Variants in SLC17A6 observed in about 807,000 individuals in gnomAD.
The protein encoded by SLC17A6 is solute carrier family 17 member 6, also known as vesicular glutamate transporter 2.
Under a neutral mutation model 67.1 loss-of-function variants are expected in SLC17A6, and 35 were observed. That is an observed-to-expected ratio of 0.52 (90% confidence interval 0.40 to 0.69). The LOEUF (loss-of-function observed/expected upper bound fraction) is 0.69, where lower values mean the gene tolerates loss of function less well. Ranked by LOEUF, SLC17A6 falls within the 30% of genes least tolerant of loss-of-function variation. The pLI, the probability that SLC17A6 is intolerant of heterozygous loss-of-function variation, is 0.00. For missense variants in SLC17A6, 588 were observed against 723.9 expected (o/e 0.81, Z 2.15); for synonymous variants, 285 against 252.3 (o/e 1.13, Z -1.23).
intron 3 of SLC17A6, among the ~76,000 whole-genome samples, chr11:22,346,579 G>A (rs1051037652): frequency 6.6e-6 from 1 of 151,726 alleles, no homozygotes. Context: ...TTAGGGTGGG[G>A]GGTCAAAGGA....
rs1033502678 is a variant in SLC17A6, at chr11:22,341,461, G to A, written c.87-67G>A. 6.4e-6 allele frequency: 10 copies of A among 1,562,558 alleles called. No individual in the cohort carries two copies. The African/African-American group carries it at 1.1e-4, about 17-fold the overall frequency. On this transcript the variant is annotated intron_variant, in intron 1 of 11. Coordinates refer to ENST00000263160, the MANE Select transcript of SLC17A6 (RefSeq NM_020346.3). Reference sequence around the variant, plus strand: ...CAACCCCGACGGGTCCTGAAAAATGGGAATGGGTCAGCATCGGGGGTACCT... The same window carrying A: ...CAACCCCGACGGGTCCTGAAAAATGAGAATGGGTCAGCATCGGGGGTACCT...
intron 3 of SLC17A6, among the ~76,000 whole-genome samples, chr11:22,355,068 G>A (rs1483150156): frequency 6.6e-6 from 1 of 152,156 alleles, no homozygotes; most frequent in South Asian, 2.1e-4. Flanking sequence ...TGCTTAGAGT[G>A]TGCCAGCCAT....
chr11:22,338,519 A>G lies in SLC17A6; in HGVS notation c.-15A>G, dbSNP rs759357420. On this transcript the variant is annotated 5_prime_UTR_variant, in exon 1 of 12. Coordinates refer to ENST00000263160, the MANE Select transcript of SLC17A6 (RefSeq NM_020346.3). Reference sequence around the variant, plus strand: ...TATTTAAATCTGGCAAGAACTGACAACAGTCTTTGCAAGAATGGAATCCGT... The same window carrying G: ...TATTTAAATCTGGCAAGAACTGACAGCAGTCTTTGCAAGAATGGAATCCGT... 1 of 1,583,184 alleles carries G rather than the reference A, an allele frequency of 6.3e-7. No homozygotes were observed. The highest frequency in any genetic ancestry group is 8.7e-7 in the Non-Finnish European group (1 of 1,152,338).
At chr11:22,343,866 G>A (rs1441365116) in intron 3 of SLC17A6, among the ~76,000 whole-genome samples, 1 of 152,136 alleles carries the variant, frequency 6.6e-6, no homozygotes, top group African/African-American at 2.4e-5. Flanking sequence ...TTCTAGGGGG[G>A]CAGGCACCAG....
intron 5 of SLC17A6, chr11:22,362,234 C>A: frequency 2.1e-6 from 1 of 471,706 alleles, no homozygotes; most frequent in Non-Finnish European, 4.1e-6. Flanking sequence ...CATCTTCTGG[C>A]CATGCTTTGA....
intron 2 of SLC17A6, 28 bp from the exon 3 acceptor site, chr11:22,343,219 T>C (rs1855839440): frequency 6.3e-7 from 1 of 1,582,240 alleles, no homozygotes; most frequent in African/African-American, 1.3e-5. Flanking sequence ...ACTCTTTCCC[T>C]TCACACTTTT....
In SLC17A6 at chr11:22,376,667, A is replaced by G. The variant is rs761487841; in HGVS notation, c.1408A>G (p.Asn470Asp). 2 of 1,613,876 alleles carry G rather than the reference A, an allele frequency of 1.2e-6. No homozygotes were observed. The highest frequency in any genetic ancestry group is 3.3e-5 in the Admixed American group (2 of 60,020). The change falls in exon 11 of 12, where the codon AAT becomes GAT. Residue 470 changes from asparagine to aspartate, a missense_variant. Asn to Asp is a conservative substitution (Grantham distance 23). This residue lies in a region of SLC17A6 where 414 missense variants were observed against 563.4 expected (regional missense o/e 0.73). Transcript: ENST00000263160. ...TATCATTGTTGGTGCAATGACAAAGAATAAGGTAAGATGGTCAAAACAGAT... is the reference window on the plus strand; with the variant it reads ...TATCATTGTTGGTGCAATGACAAAGGATAAGGTAAGATGGTCAAAACAGAT... ...CPIIVGAMTK[N>D]KSREEWQYVF...
intron 3 of SLC17A6, among the ~76,000 whole-genome samples, chr11:22,344,334 A>G (rs1301723587): frequency 6.6e-6 from 1 of 152,112 alleles, no homozygotes; most frequent in African/African-American, 2.4e-5. Context: ...TCTCCCTAAT[A>G]GTGGTCATAT....
intron 5 of SLC17A6, chr11:22,362,290 C>T (rs544997658): frequency 1.8e-5 from 7 of 398,280 alleles, no homozygotes; most frequent in East Asian, 6.4e-5. Context: ...ACAAAGAGAC[C>T]GCTGGCAGAG....
At chr11:22,353,574 T>C (rs1590383640) in intron 3 of SLC17A6, among the ~76,000 whole-genome samples, 2 of 152,346 alleles carry the variant, frequency 1.3e-5, no homozygotes, top group East Asian at 1.9e-4. Context: ...TATCATGCTA[T>C]TTAAATGTCC....
intron 6 of SLC17A6, among the ~76,000 whole-genome samples, chr11:22,364,474 GAC>G (rs1856086506): frequency 2.0e-5 from 3 of 152,232 alleles, no homozygotes; most frequent in South Asian, 4.1e-4. Context: ...GCGAATAAAT[GAC>G]AGTCAGGATT....
At chr11:22,366,784 T>C (rs1322930160) in intron 7 of SLC17A6, among the ~76,000 whole-genome samples, 38 of 151,936 alleles carry the variant, frequency 2.5e-4, no homozygotes, top group Non-Finnish European at 1.6e-4. Context: ...GCGGGTGGAT[T>C]GCCTGAGGTC....
chr11:22,360,533 C>CG (rs1025079482), intron 4 of SLC17A6, among the ~76,000 whole-genome samples: 1 of 139,938 alleles, frequency 7.1e-6, no homozygotes, highest in Non-Finnish European at 1.6e-5. Flanking sequence ...CCTTCCCCCC[C>CG]CCCCAAAAAA....
intron 1 of SLC17A6, among the ~76,000 whole-genome samples, chr11:22,340,625 T>G (rs1228793346): frequency 6.6e-6 from 1 of 152,208 alleles, no homozygotes; most frequent in African/African-American, 2.4e-5. Context: ...AAATGGACCC[T>G]TGACATTTTT....
At chr11:22,371,924 T>A (rs1257313173) in intron 8 of SLC17A6, among the ~76,000 whole-genome samples, 3 of 152,094 alleles carry the variant, frequency 2.0e-5, no homozygotes, top group Non-Finnish European at 2.9e-5. Flanking sequence ...TGACATGGCT[T>A]CAAATCTAAG....
chr11:22,369,727 G>GA lies in SLC17A6; in HGVS notation c.892-303dup, dbSNP rs111965787. ...CACCATTAAAAAAATAAAACAAATG[G>GA]AAAAAAAAACCTTAAGAAACTAGGA... On this transcript the variant is annotated intron_variant, in intron 7 of 11. Transcript: ENST00000263160. Among the ~76,000 whole-genome samples the GA allele has an allele frequency of 5.6e-3, 837 of 149,004 alleles. 29 individuals are homozygous for GA. The East Asian group carries it at 0.11, about 20-fold the overall frequency.
chr11:22,364,981 A>G (rs576211892), intron 6 of SLC17A6, among the ~76,000 whole-genome samples: 1 of 152,298 alleles, frequency 6.6e-6, no homozygotes, highest in African/African-American at 2.4e-5. Flanking sequence ...TTACCACATG[A>G]AGTACAGAGG....
At chr11:22,339,776 C>A (rs776092728) in intron 1 of SLC17A6, among the ~76,000 whole-genome samples, 1 of 152,064 alleles carries the variant, frequency 6.6e-6, no homozygotes, top group Non-Finnish European at 1.5e-5. Context: ...TGCACCTATG[C>A]GGCAGTAGAT....
intron 10 of SLC17A6, among the ~76,000 whole-genome samples, 183 bp from the exon 11 acceptor site, chr11:22,376,362 T>G (rs1049483054): frequency 1.3e-5 from 2 of 152,168 alleles, no homozygotes; most frequent in Admixed American, 1.3e-4. Flanking sequence ...ACATATTAAG[T>G]ATTAGATAAG....
Sources: allele counts gnomAD v4.1 joint callset (sites outside exome capture counted in the v4.1 genomes callset), GRCh38; gene constraint gnomAD v4.1.1; regional missense constraint gnomAD v4.1.1; transcripts MANE v1.5; gene names NCBI Gene and HGNC (gene_info 2026-07-23, HGNC 2026-07-21).